SLC22A15: variants seen among roughly 807,000 people sequenced by gnomAD.
SLC22A15 encodes the protein flipt 1.
In SLC22A15, 45 loss-of-function variants were observed where a neutral mutation model predicts 62.7. The observed-to-expected ratio is 0.72, with a 90% CI of 0.56 to 0.92. The LOEUF is 0.92. Among genes scored for constraint, SLC22A15 ranks in the 40% least tolerant of loss-of-function variants. SLC22A15 has a pLI of 0.00. For synonymous variants in SLC22A15, 264 were observed against 267.0 expected, an observed-to-expected ratio of 0.99 and a Z score of 0.11; for missense variants, 622 against 665.6, an observed-to-expected ratio of 0.93 and a Z score of 0.72.
intron 2 of SLC22A15, among the ~76,000 whole-genome samples, chr1:116,016,505 C>T (rs1213697121): frequency 6.6e-6 from 1 of 152,176 alleles, no homozygotes; most frequent in Non-Finnish European, 1.5e-5. Context: ...GGGATACAGG[C>T]GTAGCCACTG....
chr1:116,062,898 A>T lies in SLC22A15; in HGVS notation c.1292+16A>T. ...CAGTCATCAGGTACGTGTCTCACACAGCCTCATTCTTCACACATTCTACAC... is the reference window on the plus strand; with the variant it reads ...CAGTCATCAGGTACGTGTCTCACACTGCCTCATTCTTCACACATTCTACAC... On this transcript the variant is annotated intron_variant, in intron 9 of 11. Transcript: ENST00000369503. 6.2e-7 allele frequency: 1 copy of T among 1,612,494 alleles called. No individual in the cohort carries two copies. The highest frequency in any genetic ancestry group is 8.5e-7 in the Non-Finnish European group (1 of 1,178,888).
At chr1:116,013,717 C>G (rs1656391176) in intron 2 of SLC22A15, 1 of 152,064 alleles carries the variant, frequency 6.6e-6, no homozygotes, top group Non-Finnish European at 1.5e-5. Flanking sequence ...GTCCATAAAG[C>G]TTAAGGTTTT....
At chr1:115,976,750 T>G (rs1213433477) in intron 1 of SLC22A15, 36 bp downstream of exon 1, 13 of 1,503,858 alleles carry the variant, frequency 8.6e-6, no homozygotes, top group Non-Finnish European at 1.2e-5. Flanking sequence ...CATTTCCCTC[T>G]TCAGGGCCGC....
In SLC22A15 at chr1:116,020,714, T is replaced by C; in HGVS notation, c.434-7T>C. The C allele has an allele frequency of 6.2e-7, 1 of 1,605,654 alleles. No individual in the cohort carries two copies. The highest frequency in any genetic ancestry group is 8.5e-7 in the Non-Finnish European group (1 of 1,175,120). On this transcript the variant is annotated splice_polypyrimidine_tract_variant and splice_region_variant and intron_variant, in intron 3 of 11. Transcript: ENST00000369503. Reference sequence around the variant, plus strand: ...CTGGATTATTGAATATTGTTTTCTCTTTCTAGGTTTTGCTCTTGACATCTT... The same window carrying C: ...CTGGATTATTGAATATTGTTTTCTCCTTCTAGGTTTTGCTCTTGACATCTT...
rs199642136 is a variant in SLC22A15 at position 116,011,910 on chromosome 1, C to A, written c.301-7672C>A. Among the ~76,000 whole-genome samples the A allele has an allele frequency of 3.3e-5, 5 of 152,156 alleles. No homozygotes were observed. The East Asian group carries it at 9.7e-4, about 30-fold the overall frequency. Reference sequence around the variant, plus strand: ...TTTGCCTTTCTTTGGGTAACCATACCCTTACCTAGACTTCTGCACGACAGT... The same window carrying A: ...TTTGCCTTTCTTTGGGTAACCATACACTTACCTAGACTTCTGCACGACAGT... On this transcript the variant is annotated intron_variant, in intron 2 of 11. Transcript: ENST00000369503.
intron 4 of SLC22A15, among the ~76,000 whole-genome samples, chr1:116,026,073 A>G (rs925164481): frequency 3.9e-5 from 6 of 152,210 alleles, no homozygotes; most frequent in Non-Finnish European, 8.8e-5. Flanking sequence ...ATAGTAATAC[A>G]TTAAGTAGAG....
intron 1 of SLC22A15, among the ~76,000 whole-genome samples, chr1:115,985,615 G>A (rs956627578): frequency 6.6e-6 from 1 of 151,980 alleles, no homozygotes; most frequent in East Asian, 1.9e-4. Flanking sequence ...CATTGAAGAA[G>A]AAGGGATGGT....
chr1:116,037,054 A>G (rs969188878), intron 7 of SLC22A15, among the ~76,000 whole-genome samples: 4 of 152,350 alleles, frequency 2.6e-5, no homozygotes, highest in Middle Eastern at 3.4e-3. Context: ...GGAAATAGAT[A>G]GAATGATACT....
chr1:116,044,707 A>G (rs1300647825), intron 8 of SLC22A15, among the ~76,000 whole-genome samples: 3 of 152,356 alleles, frequency 2.0e-5, no homozygotes, highest in Middle Eastern at 3.4e-3. Flanking sequence ...TCATGTATAA[A>G]CAATTTTCTT....
chr1:116,019,481 T>C, intron 2 of SLC22A15, 101 bp from the exon 3 acceptor site: 1 of 1,117,926 alleles, frequency 8.9e-7, no homozygotes, highest in South Asian at 1.7e-5. Context: ...TAGTGGATCA[T>C]GCAGTATAGA....
intron 2 of SLC22A15, among the ~76,000 whole-genome samples, chr1:116,004,991 A>G (rs1384086190): frequency 6.6e-6 from 1 of 152,062 alleles, no homozygotes; most frequent in Admixed American, 6.6e-5. Context: ...CATTGTTTTG[A>G]TATTTTCAGG....
At chr1:116,020,615 A>G (rs1186864684) in intron 3 of SLC22A15, 106 bp from the exon 4 acceptor site, 10 of 1,016,644 alleles carry the variant, frequency 9.8e-6, no homozygotes, top group South Asian at 2.3e-5. Context: ...AGCTCAGAAA[A>G]TTTAAGTTTA....
At chr1:115,979,624 C>T (rs1490267891) in intron 1 of SLC22A15, among the ~76,000 whole-genome samples, 1 of 152,192 alleles carries the variant, frequency 6.6e-6, no homozygotes. Flanking sequence ...TACTGTTTCT[C>T]TTCTGATGGT....
At chr1:116,064,325 A>T in intron 9 of SLC22A15, 111 bp from the exon 10 acceptor site, 1 of 725,960 alleles carries the variant, frequency 1.4e-6, no homozygotes, top group Non-Finnish European at 2.4e-6. Flanking sequence ...GTTCTCTAGG[A>T]TCCTGTGCTT....
chr1:116,030,300 C>CTGTCATTAA (rs1267815927), intron 5 of SLC22A15, among the ~76,000 whole-genome samples: 1 of 152,182 alleles, frequency 6.6e-6, no homozygotes, highest in African/African-American at 2.4e-5. Flanking sequence ...TGTTGACAGA[C>CTGTCATTAA]TGGCTGTCCA....
chr1:116,020,625 A>T, intron 3 of SLC22A15, 96 bp from the exon 4 acceptor site: 1 of 1,044,144 alleles, frequency 9.6e-7, no homozygotes, highest in Non-Finnish European at 1.3e-6. Context: ...ATTTAAGTTT[A>T]CAAACATTTA....
intron 1 of SLC22A15, among the ~76,000 whole-genome samples, chr1:115,983,361 C>T (rs1346703929): frequency 6.6e-6 from 1 of 151,974 alleles, no homozygotes; most frequent in Non-Finnish European, 1.5e-5. Flanking sequence ...GATATTTTGC[C>T]TTATTTGTTT....
At chr1:115,977,943 C>G (rs1040334633) in intron 1 of SLC22A15, among the ~76,000 whole-genome samples, 1 of 152,156 alleles carries the variant, frequency 6.6e-6, no homozygotes, top group African/African-American at 2.4e-5. Flanking sequence ...CTTTTTCTAG[C>G]CGAACAGTTC....
intron 1 of SLC22A15, among the ~76,000 whole-genome samples, chr1:115,981,422 G>C (rs973440646): frequency 1.4e-4 from 21 of 152,196 alleles, no homozygotes; most frequent in African/African-American, 4.8e-4. Flanking sequence ...GTGGCCTGGA[G>C]GTTGGGTCTC....
Sources: allele counts gnomAD v4.1 joint callset (sites outside exome capture counted in the v4.1 genomes callset), GRCh38; gene constraint gnomAD v4.1.1; transcripts MANE v1.5; gene names NCBI Gene and HGNC (gene_info 2026-07-23, HGNC 2026-07-21).